G3BP2: variants seen among roughly 807,000 people sequenced by gnomAD.
G3BP2 encodes G3BP stress granule assembly factor 2.
Under a neutral mutation model 56.7 loss-of-function variants are expected in G3BP2, and 11 were observed. That is an observed-to-expected ratio of 0.19 (90% CI 0.12 to 0.32). G3BP2 has a LOEUF of 0.32. Ranked by LOEUF, G3BP2 falls within the 10% of genes least tolerant of loss-of-function variation. The probability of loss-of-function intolerance (pLI) is 1.00; values close to 1 mark genes in which losing one functional copy is unlikely to be tolerated. For synonymous variants in G3BP2, 165 were observed against 191.6 expected (o/e 0.86, Z 1.15); for missense variants, 340 against 610.9 (o/e 0.56, Z 4.67).
chr4:75,707,863 A>C (rs937193921), intron 3 of G3BP2, among the ~76,000 whole-genome samples: 6 of 152,188 alleles, frequency 3.9e-5, no homozygotes, highest in Non-Finnish European at 5.9e-5. Context: ...TTTTCAGAAT[A>C]AAAATGTAAA....
At chr4:75,662,265 C>T (rs1732624956) in intron 1 of G3BP2, 1 of 335,560 alleles carries the variant, frequency 3.0e-6, no homozygotes, top group African/African-American at 2.2e-5. Context: ...TCTCCTTGCC[C>T]AGGCTGGAGT....
intron 3 of G3BP2, among the ~76,000 whole-genome samples, chr4:75,707,053 G>A (rs1411584472): frequency 2.0e-5 from 3 of 151,672 alleles, no homozygotes; most frequent in South Asian, 2.1e-4. Flanking sequence ...TTAGCTGGGC[G>A]TGGTGGCGCA....
At chr4:75,685,690 C>A (rs187578487) in intron 3 of G3BP2, among the ~76,000 whole-genome samples, 15 of 152,244 alleles carry the variant, frequency 9.9e-5, no homozygotes, top group African/African-American at 3.6e-4. Context: ...AGCACAGGGC[C>A]TGACACACAA....
chr4:75,696,059 A>T (rs972103174), intron 3 of G3BP2, among the ~76,000 whole-genome samples: 2 of 151,826 alleles, frequency 1.3e-5, no homozygotes, highest in Non-Finnish European at 2.9e-5. Flanking sequence ...AGAAGCGAAG[A>T]AAATAAATTT....
intron 3 of G3BP2, among the ~76,000 whole-genome samples, chr4:75,692,422 C>T (rs2149082983): frequency 6.6e-6 from 1 of 152,248 alleles, no homozygotes; most frequent in African/African-American, 2.4e-5. Flanking sequence ...AGCAATTCTC[C>T]TGCCTAAGCC....
chr4:75,669,258 CAT>C (rs1264176750), intron 1 of G3BP2, among the ~76,000 whole-genome samples: 1 of 152,210 alleles, frequency 6.6e-6, no homozygotes, highest in African/African-American at 2.4e-5. Flanking sequence ...ACATGACCCA[CAT>C]ATGTCCCAAT....
At chr4:75,684,275 T>C (rs1365117682) in intron 3 of G3BP2, among the ~76,000 whole-genome samples, 1 of 151,928 alleles carries the variant, frequency 6.6e-6, no homozygotes, top group East Asian at 1.9e-4. Context: ...CATGGTGGCA[T>C]GTGCCTGTAG....
chr4:75,680,946 G>C (rs1175019893), intron 3 of G3BP2, among the ~76,000 whole-genome samples: 1 of 146,488 alleles, frequency 6.8e-6, no homozygotes, highest in East Asian at 2.1e-4. Flanking sequence ...CCACCCTGGC[G>C]ACAGAGCAAG....
chr4:75,699,145 C>A (rs1719233113), intron 3 of G3BP2, among the ~76,000 whole-genome samples: 1 of 152,166 alleles, frequency 6.6e-6, no homozygotes, highest in African/African-American at 2.4e-5. Context: ...AGTTCTCCAT[C>A]ATTGTGAAAT....
rs1016188020 is a variant in G3BP2, at chr4:75,689,375, C to CA, written c.-24-27327dup. ...TGGCAGACAGAGCAAGACTCCATCT[C>CA]AAAAAAAAAAAAAAAGTAGTTCCCA... On this transcript the variant is annotated intron_variant, in intron 3 of 3. Coordinates refer to the G3BP2 transcript ENST00000499709. Among the ~76,000 whole-genome samples, 255 of 109,712 alleles carry CA rather than the reference C, an allele frequency of 2.3e-3. 1 individual carries two copies. The highest frequency in any genetic ancestry group is 6.3e-3 in the East Asian group (24 of 3,786). The allele number at this position is 109,712 out of a possible 152,430, so 72.0% of individuals were successfully genotyped here. A position where few individuals can be genotyped will look rare whatever the true frequency, so the allele number is the denominator to read the frequency against.
At chr4:75,713,482 A>G (rs961461285) in intron 3 of G3BP2, among the ~76,000 whole-genome samples, 35 of 152,196 alleles carry the variant, frequency 2.3e-4, no homozygotes, top group African/African-American at 7.5e-4. Context: ...TTAAACTATT[A>G]ATCAAAAGTG....
At chr4:75,717,063 GC>G (rs1292185853) in intron 3 of G3BP2, among the ~76,000 whole-genome samples, 3 of 152,054 alleles carry the variant, frequency 2.0e-5, no homozygotes, top group African/African-American at 7.2e-5. Context: ...CATAACATCT[GC>G]AGGTTACTGA....
intron 3 of G3BP2, among the ~76,000 whole-genome samples, chr4:75,658,615 T>C (rs1732298406): frequency 6.6e-6 from 1 of 151,510 alleles, no homozygotes; most frequent in African/African-American, 2.4e-5. Flanking sequence ...TAATCTCAGC[T>C]ACTTGGGAGG....
rs1457142037 is a variant in G3BP2 at position 75,644,114 on chromosome 4, T to C, written c.*1316A>G. ...GAGCTGCTGTTCTTTTCTCCGAAAA[T>C]TGCAGTATCCTCACTTCAGGCTTAC... is the stretch of plus-strand genomic sequence containing the variant. On this transcript the variant is annotated 3_prime_UTR_variant, in exon 12 of 12. Transcript: ENST00000359707. 2 of 152,622 alleles carry C rather than the reference T, an allele frequency of 1.3e-5. No homozygotes were observed. The highest frequency in any genetic ancestry group is 2.4e-5 in the African/African-American group (1 of 41,450). The allele number at this position is 152,622 out of a possible 1,614,324, so 9.5% of individuals were successfully genotyped here. A position where few individuals can be genotyped will look rare whatever the true frequency, so the allele number is the denominator to read the frequency against.
At chr4:75,709,241 G>GA (rs1431436794) in intron 3 of G3BP2, among the ~76,000 whole-genome samples, 2 of 152,040 alleles carry the variant, frequency 1.3e-5, no homozygotes, top group African/African-American at 2.4e-5. Flanking sequence ...CCAAGATGGT[G>GA]AAACCCTATC....
intron 8 of G3BP2, 111 bp from the exon 9 acceptor site, chr4:75,648,852 A>C (rs1731447085): frequency 1.6e-6 from 1 of 626,682 alleles, no homozygotes; most frequent in African/African-American, 1.8e-5. Context: ...TTAAGTTTAG[A>C]ATGTTTTTAA....
intron 3 of G3BP2, among the ~76,000 whole-genome samples, chr4:75,691,877 T>C (rs1443287430): frequency 1.3e-5 from 2 of 152,060 alleles, no homozygotes; most frequent in Non-Finnish European, 2.9e-5. Flanking sequence ...CACACACACA[T>C]ACACACGCAT....
Position 75,643,136 on chromosome 4 carries a change from CTT to C in G3BP2, c.*2292_*2293del, listed in dbSNP as rs1233852045. ...TGCAGGTGAACAATCACCATGTAAA[CTT>C]CTCCATATGATGTTTTAATGTTTTA... On this transcript the variant is annotated 3_prime_UTR_variant, in exon 12 of 12. Transcript: ENST00000359707. 6.6e-6 allele frequency: 1 copy of C among 152,196 alleles called. No homozygotes were observed. Among genetic ancestry groups the C allele is most frequent in the Non-Finnish European group, 1.5e-5 (1 of 67,888 alleles). 9.4% of individuals were successfully genotyped at this position (152,196 alleles called of 1,614,324 possible).
At chr4:75,693,485 T>C (rs895474581) in intron 3 of G3BP2, among the ~76,000 whole-genome samples, 5 of 142,420 alleles carry the variant, frequency 3.5e-5, no homozygotes, top group Admixed American at 3.5e-4. Context: ...GTTTTTTTTG[T>C]TTTTTTTTTT....
Sources: gnomAD v4.1 joint callset for allele counts (sites outside exome capture counted in the v4.1 genomes callset) on GRCh38, gnomAD v4.1.1 for gene constraint, MANE v1.5 for transcripts, NCBI Gene and HGNC (gene_info 2026-07-23, HGNC 2026-07-21) for gene names.